CSMD1: variants seen among roughly 807,000 people sequenced by gnomAD.
The protein encoded by CSMD1 is CUB and Sushi multiple domains 1, also known as CUB and sushi domain-containing protein 1.
Under a neutral mutation model 417.5 loss-of-function variants are expected in CSMD1, and 213 were observed. The ratio of observed to expected loss-of-function variants is 0.51; its 90% CI spans 0.46 to 0.57. The LOEUF is 0.57. Among genes scored for constraint, CSMD1 ranks in the 20% least tolerant of loss-of-function variants. The pLI is 0.00. For synonymous variants in CSMD1, 2,862 were observed against 1,736.8 expected, an observed-to-expected ratio of 1.65 and a Z score of -16.11; for missense variants, 6,923 against 4,529.7, an observed-to-expected ratio of 1.53 and a Z score of -15.17.
At chr8:4,869,922 G>C (rs1260575681) in intron 1 of CSMD1, among the ~76,000 whole-genome samples, 3 of 151,812 alleles carry the variant, frequency 2.0e-5, no homozygotes, top group Non-Finnish European at 4.4e-5. Flanking sequence ...TATAAAAGTG[G>C]TCTCTTATAT....
At chr8:4,241,813 C>G (rs901741774) in intron 3 of CSMD1, among the ~76,000 whole-genome samples, 1 of 151,836 alleles carries the variant, frequency 6.6e-6, no homozygotes, top group Non-Finnish European at 1.5e-5. Context: ...TGGGTTCACG[C>G]CATTCTCCTG....
At chr8:3,870,660 A>C (rs2930351) in intron 5 of CSMD1, among the ~76,000 whole-genome samples, 2 of 151,920 alleles carry the variant, frequency 1.3e-5, no homozygotes, top group African/African-American at 2.4e-5. Flanking sequence ...TTTTGCTTTT[A>C]TTTACCTGAA....
At chr8:3,998,657 A>G (rs1265780620) in intron 4 of CSMD1, among the ~76,000 whole-genome samples, 4 of 152,204 alleles carry the variant, frequency 2.6e-5, no homozygotes, top group Non-Finnish European at 5.9e-5. Context: ...AGTAGAAAAC[A>G]GTTACATGAA....
At chr8:4,339,483 G>C (rs1287687418) in intron 3 of CSMD1, among the ~76,000 whole-genome samples, 1 of 152,208 alleles carries the variant, frequency 6.6e-6, no homozygotes, top group South Asian at 2.1e-4. Flanking sequence ...AGATACTGGA[G>C]CTGAGTGACA....
chr8:4,567,997 T>A (rs1372880067), intron 2 of CSMD1, among the ~76,000 whole-genome samples: 1 of 152,220 alleles, frequency 6.6e-6, no homozygotes, highest in Non-Finnish European at 1.5e-5. Context: ...TATCAGTGAT[T>A]TTCACAGGGC....
chr8:4,437,504 G>A (rs543311129), intron 2 of CSMD1, among the ~76,000 whole-genome samples: 1 of 152,006 alleles, frequency 6.6e-6, no homozygotes, highest in Non-Finnish European at 1.5e-5. Flanking sequence ...TTATAACATA[G>A]CCGCGTATGT....
intron 30 of CSMD1, among the ~76,000 whole-genome samples, chr8:3,211,073 A>C (rs1442391): frequency 0.93 from 141,866 of 152,154 alleles, 66,258 homozygotes; most frequent in Non-Finnish European, 0.96. Flanking sequence ...GAGATAAGGT[A>C]TTGCCCTGTT....
At chr8:4,276,044 G>A (rs184096176) in intron 3 of CSMD1, among the ~76,000 whole-genome samples, 62 of 152,250 alleles carry the variant, frequency 4.1e-4, no homozygotes, top group African/African-American at 1.4e-3. Context: ...TAGTTCAACC[G>A]TTGTGGAAGA....
At chr8:4,449,070 C>A (rs1286182326) in intron 2 of CSMD1, among the ~76,000 whole-genome samples, 1 of 152,152 alleles carries the variant, frequency 6.6e-6, no homozygotes, top group Non-Finnish European at 1.5e-5. Flanking sequence ...ATGCTATAAA[C>A]CTCTTTCTAA....
intron 1 of CSMD1, among the ~76,000 whole-genome samples, chr8:4,930,213 A>T (rs556072236): frequency 1.1e-4 from 17 of 152,314 alleles, no homozygotes; most frequent in Non-Finnish European, 1.6e-4. Flanking sequence ...TATGCAATCA[A>T]TGTCCTTTCA....
intron 12 of CSMD1, among the ~76,000 whole-genome samples, chr8:3,432,307 G>T (rs1020549257): frequency 1.3e-5 from 2 of 151,756 alleles, no homozygotes; most frequent in Non-Finnish European, 2.9e-5. Context: ...AAAGATAGAC[G>T]GTTAAAAGAA....
chr8:2,955,050 C>T (rs1310477567), intron 64 of CSMD1, among the ~76,000 whole-genome samples: 2 of 152,196 alleles, frequency 1.3e-5, no homozygotes, highest in African/African-American at 4.8e-5. Context: ...CACTTGTAAA[C>T]ACACAAATTT....
chr8:3,061,095 A>G (rs1301437528), intron 49 of CSMD1, among the ~76,000 whole-genome samples: 1 of 152,190 alleles, frequency 6.6e-6, no homozygotes, highest in Non-Finnish European at 1.5e-5. Flanking sequence ...TTGAAAGAAC[A>G]TAGATTTAGA....
intron 1 of CSMD1, among the ~76,000 whole-genome samples, chr8:4,680,622 C>G (rs1331582452): frequency 1.3e-5 from 2 of 152,084 alleles, no homozygotes; most frequent in Non-Finnish European, 2.9e-5. Context: ...CCTCTGTTGC[C>G]AGGCTGGAGT....
intron 2 of CSMD1, among the ~76,000 whole-genome samples, chr8:4,422,087 A>T (rs1352593831): frequency 6.6e-6 from 1 of 152,132 alleles, no homozygotes; most frequent in African/African-American, 2.4e-5. Flanking sequence ...TATTACAACT[A>T]ACCAATGAAA....
Position 4,530,700 on chromosome 8 carries a change from G to A in CSMD1, c.302+106642C>T, listed in dbSNP as rs149842822. Among the ~76,000 whole-genome samples the A allele has an allele frequency of 5.8e-3, 867 of 150,696 alleles. 6 individuals are homozygous for A. The highest frequency in any genetic ancestry group is 0.022 in the South Asian group (104 of 4,698). ...TCATTCTTTTTTAGGGCTGCATAGT[G>A]TTCCATGGTGTATATGTGCCACATT... On this transcript the variant is annotated intron_variant, in intron 2 of 69. Transcript: ENST00000635120.
intron 3 of CSMD1, among the ~76,000 whole-genome samples, chr8:4,406,573 G>T (rs1022288189): frequency 1.3e-5 from 2 of 152,058 alleles, no homozygotes; most frequent in African/African-American, 4.8e-5. Flanking sequence ...GTAGGCATAT[G>T]AGCTTCTGAG....
chr8:4,837,155 G>T (rs1211571964), intron 1 of CSMD1, among the ~76,000 whole-genome samples: 1 of 152,046 alleles, frequency 6.6e-6, no homozygotes, highest in East Asian at 1.9e-4. Context: ...AAATTGAAAA[G>T]ACACTAACAC....
intron 3 of CSMD1, among the ~76,000 whole-genome samples, chr8:4,335,311 G>C (rs191583375): frequency 1.3e-3 from 199 of 152,208 alleles, no homozygotes; most frequent in South Asian, 1.7e-3. Flanking sequence ...GGGAGGGTGA[G>C]GATTTCAACC....
Sources: allele counts gnomAD v4.1 joint callset (sites outside exome capture counted in the v4.1 genomes callset), GRCh38; gene constraint gnomAD v4.1.1; transcripts MANE v1.5; gene names NCBI Gene and HGNC (gene_info 2026-07-23, HGNC 2026-07-21).